The following EAPP variants were observed in gnomAD, a reference collection of about 807,000 sequenced individuals.
The protein encoded by EAPP is E2F-associated phosphoprotein.
In EAPP, 38 loss-of-function variants were observed where a neutral mutation model predicts 34.3. That is an observed-to-expected ratio of 1.11 (90% CI 0.85 to 1.45). The LOEUF is 1.45. EAPP is among the 40% of genes most tolerant of loss of function. The pLI, the probability that EAPP is intolerant of heterozygous loss-of-function variation, is 0.00. For synonymous variants in EAPP, 113 were observed against 117.6 expected (o/e 0.96, Z 0.25); for missense variants, 338 against 343.7 (o/e 0.98, Z 0.13).
At chr14:34,536,377 G>T in intron 1 of EAPP, 102 bp from the exon 2 acceptor site, 1 of 853,668 alleles carries the variant, frequency 1.2e-6, no homozygotes, top group South Asian at 2.1e-5. Context: ...AGTATTACAT[G>T]GTTACATTTG....
chr14:34,534,615 CTTT>C (rs201786286), intron 2 of EAPP, among the ~76,000 whole-genome samples: 1 of 149,148 alleles, frequency 6.7e-6, no homozygotes, highest in Non-Finnish European at 1.5e-5. Flanking sequence ...GTTTGTGTGT[CTTT>C]TTTTTTTAAC....
intron 1 of EAPP, among the ~76,000 whole-genome samples, chr14:34,538,641 T>C (rs952392192): frequency 9.9e-5 from 15 of 152,106 alleles, no homozygotes; most frequent in Non-Finnish European, 2.1e-4. Flanking sequence ...GTTCCTTTAC[T>C]ACCAGGCTTA....
intron 5 of EAPP, among the ~76,000 whole-genome samples, chr14:34,520,043 T>G (rs1178766664): frequency 1.3e-5 from 2 of 151,198 alleles, no homozygotes; most frequent in African/African-American, 4.9e-5. Flanking sequence ...CCGCCACGAC[T>G]TCCGGCTAAT....
chr14:34,516,397 G>A lies in EAPP; in HGVS notation c.771C>T (p.Val257=). 6.2e-7 allele frequency: 1 copy of A among 1,614,196 alleles called. No individual in the cohort carries two copies. The highest frequency in any genetic ancestry group is 1.3e-5 in the African/African-American group (1 of 75,050). The change falls in exon 6 of 6, where the codon GTC becomes GTT. Residue 257 remains valine, a synonymous_variant. Coordinates refer to ENST00000250454, the MANE Select transcript of EAPP (RefSeq NM_018453.4). Reference sequence around the variant, plus strand: ...CTTCAGTGGAACATTCAGTGCACATGACTGGGTGATAGATTTCTTCCACAT... The same window carrying A: ...CTTCAGTGGAACATTCAGTGCACATAACTGGGTGATAGATTTCTTCCACAT... ...ETDVEEIYHP[V]MCTECSTEVA... is the part of the protein sequence containing the mutation.
chr14:34,539,586 CTT>C lies in EAPP; in HGVS notation c.41_42del (p.Glu14GlyfsTer3). On this transcript the variant is annotated frameshift_variant, in exon 1 of 6. Coordinates refer to ENST00000250454, the MANE Select transcript of EAPP (RefSeq NM_018453.4). LOFTEE classifies it high-confidence loss of function. Reference sequence around the variant, plus strand: ...AAAGCCGGCTCCTCGTCGCTAGGCTCTTCAACCGCGTAGGGGTCGTAGTCATC... The same window carrying C: ...AAAGCCGGCTCCTCGTCGCTAGGCTCCAACCGCGTAGGGGTCGTAGTCATC... ...LPDDYDPYAV[E>X]EPSDEEPALS... 6.2e-7 allele frequency: 1 copy of C among 1,600,734 alleles called. No homozygotes were observed. Among genetic ancestry groups the C allele is most frequent in the South Asian group, 1.1e-5 (1 of 90,782 alleles).
Position 34,516,426 on chromosome 14 carries a change from T to C in EAPP, c.742A>G (p.Thr248Ala), listed in dbSNP as rs1338341701. 1 of 1,614,198 alleles carries C rather than the reference T, an allele frequency of 6.2e-7. No homozygotes were observed. Among genetic ancestry groups the C allele is most frequent in the South Asian group, 1.1e-5 (1 of 91,082 alleles). The stretch of plus-strand genomic sequence containing the variant: ...GGGTGATAGATTTCTTCCACATCTG[T>C]CTCTGCCTTCTCGGCAGCATCTTCC... ...NREDAAEKAE[T>A]DVEEIYHPVM... Residue 248 changes from threonine (T) to alanine (A), a missense_variant, in exon 6 of 6, where the codon ACA (threonine) becomes GCA (alanine). Thr to Ala is a moderately conservative substitution (Grantham distance 58). Coordinates refer to ENST00000250454, the MANE Select transcript of EAPP (RefSeq NM_018453.4).
At chr14:34,520,479 G>T (rs143390747) in intron 5 of EAPP, among the ~76,000 whole-genome samples, 3 of 151,990 alleles carry the variant, frequency 2.0e-5, no homozygotes, top group Non-Finnish European at 4.4e-5. Context: ...CAAAGTGCTA[G>T]GATTACAGGC....
chr14:34,520,118 C>G (rs955806953), intron 5 of EAPP, among the ~76,000 whole-genome samples: 2 of 151,870 alleles, frequency 1.3e-5, no homozygotes, highest in Non-Finnish European at 2.9e-5. Flanking sequence ...AACTCCTGAC[C>G]ACAGGTGATC....
At chr14:34,539,340 G>A (rs1321747974) in intron 1 of EAPP, 1 of 693,900 alleles carries the variant, frequency 1.4e-6, no homozygotes, top group Non-Finnish European at 2.6e-6. Context: ...CCGTGATTCC[G>A]GAATATCCCT....
At position 34,524,727 on chromosome 14, in the gene EAPP, C is replaced by T; in HGVS notation, c.551G>A (p.Cys184Tyr). Residue 184 changes from cysteine to tyrosine, a missense_variant, in exon 5 of 6, where the codon TGC (cysteine) becomes TAC (tyrosine). Physicochemically the swap from Cys to Tyr is radical, Grantham distance 194. Transcript: ENST00000250454. ...NSDAVLNCPA[C>Y]MTTLCLDCQR... ...GCAATCAAGGCAAAGTGTGGTCATG[C>T]AGGCAGGACAATTCAAGACAGCATC... The T allele has an allele frequency of 6.2e-7, 1 of 1,607,484 alleles. No individual in the cohort carries two copies. The highest frequency in any genetic ancestry group is 8.5e-7 in the Non-Finnish European group (1 of 1,177,488).
chr14:34,536,487 T>G, intron 1 of EAPP: 1 of 293,198 alleles, frequency 3.4e-6, no homozygotes, highest in African/African-American at 2.7e-5. Context: ...TTTTTTGAGA[T>G]GGCATCTCAG....
intron 2 of EAPP, among the ~76,000 whole-genome samples, chr14:34,534,852 T>G (rs1880414384): frequency 6.6e-6 from 1 of 151,820 alleles, no homozygotes; most frequent in East Asian, 1.9e-4. Flanking sequence ...TTTTTTTTTT[T>G]TTTTTGAGAC....
At chr14:34,519,785 T>C (rs531726196) in intron 5 of EAPP, among the ~76,000 whole-genome samples, 14 of 152,188 alleles carry the variant, frequency 9.2e-5, no homozygotes, top group African/African-American at 2.9e-4. Context: ...TTTTAATCCA[T>C]TGCTTTTTGA....
At chr14:34,520,075 TG>T (rs761966714) in intron 5 of EAPP, among the ~76,000 whole-genome samples, 2 of 151,806 alleles carry the variant, frequency 1.3e-5, no homozygotes, top group South Asian at 4.1e-4. Flanking sequence ...TTAGTAGAGA[TG>T]GGGTTTCACC....
chr14:34,539,526 T>C (rs1443143917), intron 1 of EAPP, 29 bp downstream of exon 1: 1 of 1,602,032 alleles, frequency 6.2e-7, no homozygotes, highest in Non-Finnish European at 8.5e-7. Context: ...ACCCAAATCC[T>C]CGGGGGCCAG....
Position 34,539,612 on chromosome 14 carries a change from T to G in EAPP, c.17A>C (p.Asp6Ala). 1.9e-6 allele frequency: 3 copies of G among 1,577,828 alleles called. No homozygotes were observed. The highest frequency in any genetic ancestry group is 1.7e-6 in the Non-Finnish European group (2 of 1,160,254). Reference protein sequence around the residue: MNRLPDDYDPYAVEEP... With the variant: MNRLPADYDPYAVEEP... Reference sequence around the variant, plus strand: ...TTCAACCGCGTAGGGGTCGTAGTCATCCGGAAGCCGGTTCATGGTGGCCTG... The same window carrying G: ...TTCAACCGCGTAGGGGTCGTAGTCAGCCGGAAGCCGGTTCATGGTGGCCTG... The change falls in exon 1 of 6, where the codon GAT (aspartate) becomes GCT (alanine). Residue 6 changes from aspartate to alanine, a missense_variant. Physicochemically the swap from Asp to Ala is moderately radical, Grantham distance 126. Coordinates refer to ENST00000250454, the MANE Select transcript of EAPP (RefSeq NM_018453.4).
In EAPP at chr14:34,531,236, C is replaced by G. The variant is rs187124248; in HGVS notation, c.353-1761G>C. ...ACCAGAATCGCTTGAACCCAGGAGG[C>G]AGAGGCTACAGTGAGCCAAGACTGT... On this transcript the variant is annotated intron_variant, in intron 3 of 5. Transcript: ENST00000250454. Among the ~76,000 whole-genome samples the G allele has an allele frequency of 9.8e-4, 149 of 152,234 alleles. 1 individual carries two copies. Among genetic ancestry groups the G allele is most frequent in the Admixed American group, 8.9e-3 (136 of 15,266 alleles).
chr14:34,533,996 T>C (rs531398515), intron 2 of EAPP, among the ~76,000 whole-genome samples: 1 of 152,182 alleles, frequency 6.6e-6, no homozygotes, highest in Admixed American at 6.6e-5. Context: ...CCTATACTTA[T>C]GTCATCATAT....
At chr14:34,523,529 T>G in intron 5 of EAPP, among the ~76,000 whole-genome samples, 1 of 148,500 alleles carries the variant, frequency 6.7e-6, no homozygotes, top group Non-Finnish European at 1.5e-5. Context: ...CCAGCCCGTT[T>G]TTTTTTTTTT....
Sources: allele counts gnomAD v4.1 joint callset (sites outside exome capture counted in the v4.1 genomes callset), GRCh38; gene constraint gnomAD v4.1.1; transcripts MANE v1.5; gene names NCBI Gene and HGNC (gene_info 2026-07-23, HGNC 2026-07-21).